The following FTO variants were observed in gnomAD, a reference collection of about 807,000 sequenced individuals.
FTO encodes the protein FTO alpha-ketoglutarate dependent dioxygenase.
FTO carries 47 observed loss-of-function variants against 63.9 expected under a neutral mutation model. The ratio of observed to expected loss-of-function variants is 0.74; its 90% CI spans 0.58 to 0.94. The LOEUF (loss-of-function observed/expected upper bound fraction) is 0.94. FTO is among the 40% of genes least tolerant of loss of function. The probability of loss-of-function intolerance (pLI) is 0.00; values close to 1 mark genes in which losing one functional copy is unlikely to be tolerated. For synonymous variants in FTO, 207 were observed against 224.4 expected, an observed-to-expected ratio of 0.92 and a Z score of 0.69; for missense variants, 562 against 618.1, an observed-to-expected ratio of 0.91 and a Z score of 0.96.
At chr16:53,964,349 G>A (rs1388763653) in intron 8 of FTO, among the ~76,000 whole-genome samples, 3 of 152,180 alleles carry the variant, frequency 2.0e-5, no homozygotes, top group African/African-American at 7.2e-5. Flanking sequence ...TAAAAGAGGT[G>A]GCAGGATTTG....
intron 1 of FTO, among the ~76,000 whole-genome samples, chr16:53,719,131 CAT>C (rs1180857649): frequency 1.3e-5 from 2 of 152,148 alleles, no homozygotes; most frequent in African/African-American, 4.8e-5. Flanking sequence ...ATGCTAGTAT[CAT>C]AAAATGACTT....
At chr16:54,091,630 T>C (rs2086385777) in intron 8 of FTO, among the ~76,000 whole-genome samples, 1 of 152,240 alleles carries the variant, frequency 6.6e-6, no homozygotes, top group African/African-American at 2.4e-5. Flanking sequence ...GCGGGTTGGA[T>C]GGATGGAGTG....
chr16:53,719,071 A>G (rs2075965704), intron 1 of FTO, among the ~76,000 whole-genome samples: 1 of 152,176 alleles, frequency 6.6e-6, no homozygotes, highest in Non-Finnish European at 1.5e-5. Flanking sequence ...GAATAAAAAT[A>G]TTGAGAAACT....
At chr16:53,766,992 A>T (rs756413417) in intron 1 of FTO, among the ~76,000 whole-genome samples, 4 of 152,118 alleles carry the variant, frequency 2.6e-5, no homozygotes, top group Non-Finnish European at 5.9e-5. Context: ...TGCTACTTAA[A>T]ATAAAGGTAA....
At chr16:54,038,051 A>G (rs1270105051) in intron 8 of FTO, among the ~76,000 whole-genome samples, 2 of 152,214 alleles carry the variant, frequency 1.3e-5, no homozygotes, top group Admixed American at 6.5e-5. Flanking sequence ...AATGTAAGCC[A>G]TATATATTTT....
chr16:53,823,794 G>T (rs933790371), intron 2 of FTO, among the ~76,000 whole-genome samples: 21 of 152,186 alleles, frequency 1.4e-4, no homozygotes, highest in African/African-American at 5.1e-4. Flanking sequence ...GCTGAGGCAG[G>T]AGAATCACTT....
In FTO at chr16:53,955,841, A is replaced by T. The variant is rs533891951; in HGVS notation, c.1364+21732A>T. On this transcript the variant is annotated intron_variant, in intron 8 of 8. Transcript: ENST00000471389. ...TTATGGAGAGAAAGAGGGCATCAAAATTGGAGCTCAAAACTATTGAGGCTG... is the reference window on the plus strand; with the variant it reads ...TTATGGAGAGAAAGAGGGCATCAAATTTGGAGCTCAAAACTATTGAGGCTG... Among the ~76,000 whole-genome samples the T allele has an allele frequency of 2.6e-5, 4 of 152,262 alleles. No homozygotes were observed. The South Asian group carries it at 6.2e-4, about 24-fold the overall frequency.
intron 5 of FTO, among the ~76,000 whole-genome samples, chr16:53,878,734 T>G (rs1269100195): frequency 6.6e-6 from 1 of 152,216 alleles, no homozygotes; most frequent in Non-Finnish European, 1.5e-5. Flanking sequence ...CCATGTGCAT[T>G]GGCCTCTTTT....
At chr16:53,753,167 C>T (rs914234806) in intron 1 of FTO, among the ~76,000 whole-genome samples, 11 of 150,604 alleles carry the variant, frequency 7.3e-5, no homozygotes, top group African/African-American at 2.4e-4. Flanking sequence ...GTGGGAGGAT[C>T]ACCTGAGCCT....
chr16:53,838,951 A>C (rs1221591888), intron 3 of FTO, among the ~76,000 whole-genome samples: 1 of 152,138 alleles, frequency 6.6e-6, no homozygotes, highest in Non-Finnish European at 1.5e-5. Flanking sequence ...TATGGTACAA[A>C]ATTTTTTGTG....
chr16:53,913,017 G>T (rs1244635798), intron 7 of FTO, among the ~76,000 whole-genome samples: 1 of 152,216 alleles, frequency 6.6e-6, no homozygotes, highest in African/African-American at 2.4e-5. Context: ...AGAGCTGGGG[G>T]TTTTGTGGTA....
intron 1 of FTO, among the ~76,000 whole-genome samples, chr16:53,776,713 T>G (rs924624784): frequency 2.6e-5 from 4 of 152,230 alleles, no homozygotes; most frequent in Non-Finnish European, 5.9e-5. Context: ...ATTGTTTTAC[T>G]TTTCTGCACA....
At position 54,098,786 on chromosome 16, in the gene FTO, C is replaced by T. The variant is rs193170649; in HGVS notation, c.1365-12976C>T. Among the ~76,000 whole-genome samples, 655 of 152,206 alleles carry T rather than the reference C, an allele frequency of 4.3e-3. 6 individuals are homozygous for T. Among genetic ancestry groups the T allele is most frequent in the African/African-American group, 0.015 (603 of 41,530 alleles). On this transcript the variant is annotated intron_variant, in intron 8 of 8. Coordinates refer to ENST00000471389, the MANE Select transcript of FTO (RefSeq NM_001080432.3). The stretch of plus-strand genomic sequence containing the variant: ...TAGCTTTTATTTTCATAACTGTATT[C>T]GTTACTTACATGACTGCTATTATTT...
At chr16:53,972,584 T>C (rs1392062517) in intron 8 of FTO, among the ~76,000 whole-genome samples, 2 of 152,220 alleles carry the variant, frequency 1.3e-5, no homozygotes, top group African/African-American at 4.8e-5. Context: ...ATTAATTAAA[T>C]GTAGGGACTG....
intron 7 of FTO, among the ~76,000 whole-genome samples, chr16:53,891,944 G>A (rs1052933756): frequency 3.9e-5 from 6 of 152,194 alleles, no homozygotes; most frequent in African/African-American, 1.2e-4. Context: ...AGTGGCCTCA[G>A]TGTCTCTCCT....
intron 8 of FTO, among the ~76,000 whole-genome samples, chr16:53,941,630 T>C (rs1436588497): frequency 1.3e-5 from 2 of 152,142 alleles, no homozygotes; most frequent in African/African-American, 4.8e-5. Context: ...GCAGATTGCT[T>C]GAGCTCAGGA....
At chr16:53,913,188 G>T (rs1376086893) in intron 7 of FTO, among the ~76,000 whole-genome samples, 1 of 152,240 alleles carries the variant, frequency 6.6e-6, no homozygotes, top group Non-Finnish European at 1.5e-5. Context: ...TCCCTTAGGA[G>T]CTGACTCTAT....
chr16:53,820,115 T>A (rs2078815957), intron 2 of FTO, among the ~76,000 whole-genome samples: 1 of 151,926 alleles, frequency 6.6e-6, no homozygotes, highest in Non-Finnish European at 1.5e-5. Context: ...TTCAGGTGAT[T>A]CTCCTGCTTC....
At chr16:54,105,520 T>A (rs1443784107) in intron 8 of FTO, among the ~76,000 whole-genome samples, 3 of 152,094 alleles carry the variant, frequency 2.0e-5, no homozygotes, top group Non-Finnish European at 4.4e-5. Flanking sequence ...AAACCTTGAG[T>A]AAGGCAGCCC....
Sources: allele counts gnomAD v4.1 joint callset (sites outside exome capture counted in the v4.1 genomes callset), GRCh38; gene constraint gnomAD v4.1.1; transcripts MANE v1.5; gene names NCBI Gene and HGNC (gene_info 2026-07-23, HGNC 2026-07-21).